CTNNA1: variants seen among roughly 807,000 people sequenced by gnomAD.
The protein encoded by CTNNA1 is catenin alpha-1.
CTNNA1 carries 37 observed loss-of-function variants against 98.4 expected under a neutral mutation model. That is an observed-to-expected ratio of 0.38 (90% CI 0.29 to 0.49). The LOEUF is 0.49. Among genes scored for constraint, CTNNA1 ranks in the 20% least tolerant of loss-of-function variants. The pLI is 0.95. For synonymous variants in CTNNA1, 404 were observed against 413.2 expected, an observed-to-expected ratio of 0.98 and a Z score of 0.27; for missense variants, 761 against 1,147.2, an observed-to-expected ratio of 0.66 and a Z score of 4.86.
Position 138,829,562 on chromosome 5 carries a change from T to G in CTNNA1, c.1062+1844T>G, listed in dbSNP as rs73263403. ...GTCACATTCTTGGGCCAATCACCCC[T>G]GGTCATGAGTAACCTTGAGGTTTCG... On this transcript the variant is annotated intron_variant, in intron 7 of 17. Coordinates refer to ENST00000302763, the MANE Select transcript of CTNNA1 (RefSeq NM_001903.5). Among the ~76,000 whole-genome samples the G allele has an allele frequency of 1.3e-3, 195 of 152,316 alleles. 1 individual carries two copies. Among genetic ancestry groups the G allele is most frequent in the African/African-American group, 4.4e-3 (183 of 41,568 alleles).
intron 5 of CTNNA1, among the ~76,000 whole-genome samples, chr5:138,823,194 T>C (rs991901009): frequency 2.0e-5 from 3 of 152,188 alleles, no homozygotes; most frequent in African/African-American, 7.2e-5. Context: ...CTTCTGAGTA[T>C]TGTGAGTGAA....
intron 1 of CTNNA1, among the ~76,000 whole-genome samples, chr5:138,761,588 G>A (rs1307922098): frequency 2.3e-5 from 3 of 130,848 alleles, no homozygotes; most frequent in East Asian, 2.5e-4. Flanking sequence ...CATAAAAGGT[G>A]GAAAAATGAA....
chr5:138,930,956 G>A, intron 16 of CTNNA1, 21 bp downstream of exon 16: 1 of 1,551,372 alleles, frequency 6.4e-7, no homozygotes, highest in Non-Finnish European at 8.9e-7. Context: ...GACTTGCCAG[G>A]TGGGTCTCCA....
intron 4 of CTNNA1, among the ~76,000 whole-genome samples, chr5:138,810,863 G>A (rs943671269): frequency 7.9e-5 from 12 of 151,576 alleles, no homozygotes; most frequent in East Asian, 2.0e-4. Context: ...CCCAGTAGGG[G>A]CGGCCGGGCA....
rs1184721347 is a variant in CTNNA1, at chr5:138,776,492, C to T, written c.-2-5431C>T. 3.3e-5 allele frequency among the ~76,000 whole-genome samples: 5 copies of T among 152,354 alleles called. No individual in the cohort carries two copies. The East Asian group carries it at 9.6e-4, about 29-fold the overall frequency. ...TCCGATTTATCAATCCTTTGCCCGC[C>T]TTTCCCCCCTTTTCTATTCCACAAA... On this transcript the variant is annotated intron_variant, in intron 1 of 17. Coordinates refer to ENST00000302763, the MANE Select transcript of CTNNA1 (RefSeq NM_001903.5).
chr5:138,901,760 T>TA (rs1321208907), intron 9 of CTNNA1, among the ~76,000 whole-genome samples: 2 of 152,190 alleles, frequency 1.3e-5, no homozygotes, highest in Non-Finnish European at 2.9e-5. Flanking sequence ...TGTTAATAGT[T>TA]ACGTCATTCT....
intron 9 of CTNNA1, among the ~76,000 whole-genome samples, chr5:138,903,391 T>C (rs1561697387): frequency 6.6e-6 from 1 of 152,202 alleles, no homozygotes; most frequent in Admixed American, 6.5e-5. Flanking sequence ...GCCTCTGATA[T>C]TCAACTGCCT....
At chr5:138,828,665 C>G (rs1324324182) in intron 7 of CTNNA1, among the ~76,000 whole-genome samples, 1 of 152,170 alleles carries the variant, frequency 6.6e-6, no homozygotes, top group Non-Finnish European at 1.5e-5. Context: ...GGTTCTTTCT[C>G]ATTTGTTCGT....
intron 7 of CTNNA1, among the ~76,000 whole-genome samples, chr5:138,846,768 AC>A (rs1047678752): frequency 5.3e-5 from 8 of 151,954 alleles, no homozygotes; most frequent in African/African-American, 1.7e-4. Context: ...TTAAAAAAAA[AC>A]CCCTCAAATT....
In CTNNA1 at chr5:138,889,615, A is replaced by G. The variant is rs111451089; in HGVS notation, c.1296+1973A>G. Among the ~76,000 whole-genome samples the G allele has an allele frequency of 5.3e-5, 8 of 151,946 alleles. 1 individual carries two copies. The highest frequency in any genetic ancestry group is 1.7e-4 in the African/African-American group (7 of 41,480). On this transcript the variant is annotated intron_variant, in intron 9 of 17. Coordinates refer to ENST00000302763, the MANE Select transcript of CTNNA1 (RefSeq NM_001903.5). The stretch of plus-strand genomic sequence containing the variant: ...TGTATTTCATTTAATTCTGAACACT[A>G]CTAACCAAAGGCCCCCCCACCCCCA...
At chr5:138,838,461 T>G (rs1401241020) in intron 7 of CTNNA1, among the ~76,000 whole-genome samples, 1 of 152,224 alleles carries the variant, frequency 6.6e-6, no homozygotes, top group Non-Finnish European at 1.5e-5. Context: ...TTTTTCTTTC[T>G]TTGTCAATCT....
intron 3 of CTNNA1, among the ~76,000 whole-genome samples, chr5:138,798,877 A>G (rs1178072637): frequency 6.6e-6 from 1 of 152,112 alleles, no homozygotes; most frequent in African/African-American, 2.4e-5. Context: ...GCGATCTTGG[A>G]TATAGTTCCT....
Position 138,909,870 on chromosome 5 carries a change from G to A in CTNNA1, c.1389+5429G>A, listed in dbSNP as rs1485210752. 2.0e-5 allele frequency among the ~76,000 whole-genome samples: 3 copies of A among 152,254 alleles called. No homozygotes were observed. The East Asian group carries it at 5.8e-4, about 29-fold the overall frequency. The stretch of plus-strand genomic sequence containing the variant: ...GTGGGAAAATACATGGCCCTTAAAG[G>A]AGCACCCCATACATACAGGACGGGG... On this transcript the variant is annotated intron_variant, in intron 10 of 17. Transcript: ENST00000302763.
At chr5:138,815,919 T>C (rs1759385449) in intron 5 of CTNNA1, among the ~76,000 whole-genome samples, 1 of 152,188 alleles carries the variant, frequency 6.6e-6, no homozygotes. Context: ...TTCTTGGAAA[T>C]TAAACAAATA....
At chr5:138,783,864 G>A (rs1430391849) in intron 3 of CTNNA1, among the ~76,000 whole-genome samples, 1 of 152,178 alleles carries the variant, frequency 6.6e-6, no homozygotes, top group Non-Finnish European at 1.5e-5. Context: ...AGAATAGTAT[G>A]TTAAATCAGC....
At chr5:138,766,138 A>G (rs1406441634) in intron 1 of CTNNA1, among the ~76,000 whole-genome samples, 1 of 141,074 alleles carries the variant, frequency 7.1e-6, no homozygotes, top group Non-Finnish European at 1.5e-5. Flanking sequence ...TGGGAGACAC[A>G]CATACACACA....
intron 7 of CTNNA1, among the ~76,000 whole-genome samples, chr5:138,849,472 G>A (rs984334588): frequency 1.3e-5 from 2 of 152,146 alleles, no homozygotes; most frequent in African/African-American, 4.8e-5. Flanking sequence ...GGCAGTGTGA[G>A]GTCTAGAAGT....
chr5:138,860,724 A>G (rs879276703), intron 7 of CTNNA1, among the ~76,000 whole-genome samples: 1 of 151,776 alleles, frequency 6.6e-6, no homozygotes, highest in Non-Finnish European at 1.5e-5. Flanking sequence ...TGGGCACCTG[A>G]CCTCAGGTGA....
At chr5:138,826,820 C>CA (rs757683752) in intron 6 of CTNNA1, among the ~76,000 whole-genome samples, 3 of 152,170 alleles carry the variant, frequency 2.0e-5, no homozygotes, top group Non-Finnish European at 2.9e-5. Context: ...TTTTAAGAGA[C>CA]AAAGTCTTGC....
Sources: gnomAD v4.1 joint callset for allele counts (sites outside exome capture counted in the v4.1 genomes callset) on GRCh38, gnomAD v4.1.1 for gene constraint, MANE v1.5 for transcripts, NCBI Gene and HGNC (gene_info 2026-07-23, HGNC 2026-07-21) for gene names.